ZFYVE9: variants seen among roughly 807,000 people sequenced by gnomAD.
ZFYVE9 encodes the protein zinc finger FYVE domain-containing protein 9.
A neutral mutation model predicts 126.7 loss-of-function variants in ZFYVE9; 43 were observed. That is an observed-to-expected ratio of 0.34 (90% CI 0.27 to 0.44). ZFYVE9 has a LOEUF of 0.44. ZFYVE9 is among the 20% of genes least tolerant of loss of function. The pLI, the probability that ZFYVE9 is intolerant of heterozygous loss-of-function variation, is 1.00. For synonymous variants in ZFYVE9, 521 were observed against 597.4 expected (o/e 0.87, Z 1.87); for missense variants, 1,476 against 1,697.0 (o/e 0.87, Z 2.29).
At chr1:52,239,933 T>A (rs1212741600) in intron 4 of ZFYVE9, among the ~76,000 whole-genome samples, 1 of 152,220 alleles carries the variant, frequency 6.6e-6, no homozygotes, top group African/African-American at 2.4e-5. Context: ...TTAGGAAATA[T>A]TTGTCATTAA....
intron 2 of ZFYVE9, among the ~76,000 whole-genome samples, chr1:52,219,372 A>G (rs1420607456): frequency 6.6e-6 from 1 of 152,056 alleles, no homozygotes; most frequent in Non-Finnish European, 1.5e-5. Flanking sequence ...TCCTGGAATG[A>G]TGGTCCATGA....
intron 4 of ZFYVE9, among the ~76,000 whole-genome samples, chr1:52,244,246 T>C (rs1322693924): frequency 1.3e-5 from 2 of 152,182 alleles, no homozygotes; most frequent in East Asian, 3.8e-4. Context: ...TAGATGGAGA[T>C]GGTGGTTATG....
intron 4 of ZFYVE9, among the ~76,000 whole-genome samples, chr1:52,256,126 C>T (rs767979298): frequency 5.3e-5 from 8 of 151,328 alleles, no homozygotes; most frequent in Non-Finnish European, 8.8e-5. Context: ...AGTGCAATGG[C>T]GCGATCTCAG....
At chr1:52,165,970 C>A (rs1644510095) in intron 1 of ZFYVE9, among the ~76,000 whole-genome samples, 1 of 152,132 alleles carries the variant, frequency 6.6e-6, no homozygotes, top group African/African-American at 2.4e-5. Flanking sequence ...TTTTAATGCC[C>A]TCTGTTCTTT....
chr1:52,268,473 C>T lies in ZFYVE9; in HGVS notation c.2466C>T (p.Pro822=), dbSNP rs963435046. The T allele has an allele frequency of 3.1e-6, 5 of 1,613,740 alleles. No individual in the cohort carries two copies. In the African/African-American group the frequency reaches 6.7e-5, roughly 22 times the overall value. ...LKHPGAEVAQ[P]REQRRVWFAD... is the part of the protein sequence containing the mutation. ...TTCTGGCCCCTCAAGTGGCTCAGCC[C>T]AGAGAGCAGAGGCGAGTTTGGTTTG... Residue 822 remains proline (P), a synonymous_variant, in exon 7 of 19, where the codon CCC becomes CCT. Coordinates refer to ENST00000287727, the MANE Select transcript of ZFYVE9 (RefSeq NM_004799.4).
intron 1 of ZFYVE9, among the ~76,000 whole-genome samples, chr1:52,208,502 C>CTT (rs113585987): frequency 2.9e-5 from 4 of 139,374 alleles, no homozygotes; most frequent in Admixed American, 7.2e-5. Context: ...AATTGTTCTT[C>CTT]TTTTTTTTTT....
At chr1:52,302,452 A>G (rs1646044169) in intron 12 of ZFYVE9, among the ~76,000 whole-genome samples, 1 of 152,138 alleles carries the variant, frequency 6.6e-6, no homozygotes, top group Non-Finnish European at 1.5e-5. Context: ...TTTTCCTTTA[A>G]AATATGTCTG....
chr1:52,163,498 AT>A (rs1377014844), intron 1 of ZFYVE9, among the ~76,000 whole-genome samples: 12 of 152,184 alleles, frequency 7.9e-5, no homozygotes, highest in Non-Finnish European at 2.9e-5. Context: ...GACCTATTTT[AT>A]TTTTATTTAT....
At chr1:52,212,451 T>C (rs1254531417) in intron 1 of ZFYVE9, among the ~76,000 whole-genome samples, 2 of 152,068 alleles carry the variant, frequency 1.3e-5, no homozygotes, top group Non-Finnish European at 2.9e-5. Flanking sequence ...TGGCCAGATT[T>C]ATGATTTTAG....
intron 1 of ZFYVE9, among the ~76,000 whole-genome samples, chr1:52,173,010 T>C (rs1400419829): frequency 6.6e-6 from 1 of 151,026 alleles, no homozygotes; most frequent in Non-Finnish European, 1.5e-5. Flanking sequence ...TCCTGCCTAA[T>C]TGCCCTGGCC....
chr1:52,291,179 T>A (rs527256342), intron 10 of ZFYVE9, among the ~76,000 whole-genome samples: 1 of 152,238 alleles, frequency 6.6e-6, no homozygotes, highest in South Asian at 2.1e-4. Context: ...AAATGCAAAA[T>A]ATAGATGATA....
chr1:52,225,568 CA>C (rs1167808803), intron 2 of ZFYVE9, among the ~76,000 whole-genome samples: 1 of 152,170 alleles, frequency 6.6e-6, no homozygotes, highest in East Asian at 1.9e-4. Flanking sequence ...TCGGACTGCA[CA>C]ATCTAAGCTG....
intron 13 of ZFYVE9, among the ~76,000 whole-genome samples, chr1:52,319,369 A>C (rs1646216733): frequency 6.6e-6 from 1 of 152,202 alleles, no homozygotes; most frequent in African/African-American, 2.4e-5. Flanking sequence ...TCACACCTGT[A>C]ATCCTAACAC....
intron 10 of ZFYVE9, among the ~76,000 whole-genome samples, chr1:52,292,469 CTTTTTT>C (rs1159852399): frequency 2.9e-5 from 3 of 102,036 alleles, no homozygotes; most frequent in African/African-American, 1.2e-4. Context: ...CTGAACATTT[CTTTTTT>C]TTTTTTTTTT....
At chr1:52,287,264 A>G (rs979244866) in intron 10 of ZFYVE9, among the ~76,000 whole-genome samples, 2 of 152,134 alleles carry the variant, frequency 1.3e-5, no homozygotes, top group East Asian at 1.9e-4. Context: ...GGCACCTGCC[A>G]CCACACTTGG....
intron 12 of ZFYVE9, 115 bp from the exon 13 acceptor site, chr1:52,303,702 TTAAA>T (rs1646056133): frequency 1.6e-5 from 9 of 554,670 alleles, no homozygotes; most frequent in Middle Eastern, 1.0e-3. Flanking sequence ...TCCTTATTAT[TTAAA>T]TAAATAGGAT....
chr1:52,155,349 C>T (rs1347385325), intron 1 of ZFYVE9, among the ~76,000 whole-genome samples: 1 of 151,796 alleles, frequency 6.6e-6, no homozygotes, highest in Non-Finnish European at 1.5e-5. Context: ...ATTCTCCTGC[C>T]TCAGCCTCCC....
intron 5 of ZFYVE9, among the ~76,000 whole-genome samples, chr1:52,264,293 T>C (rs530035848): frequency 1.3e-5 from 2 of 152,348 alleles, no homozygotes; most frequent in African/African-American, 4.8e-5. Context: ...TGTGTTCTTA[T>C]CAACACCTTG....
chr1:52,304,966 G>C (rs184889978), intron 13 of ZFYVE9, among the ~76,000 whole-genome samples: 1 of 152,050 alleles, frequency 6.6e-6, no homozygotes, highest in African/African-American at 2.4e-5. Flanking sequence ...GTAGTTCACA[G>C]ATCTTGCTCT....
Sources: gnomAD v4.1 joint callset for allele counts (sites outside exome capture counted in the v4.1 genomes callset) on GRCh38, gnomAD v4.1.1 for gene constraint, MANE v1.5 for transcripts, NCBI Gene and HGNC (gene_info 2026-07-23, HGNC 2026-07-21) for gene names.